Variants in TFEC observed in about 807,000 individuals in gnomAD.
TFEC encodes the protein class E basic helix-loop-helix protein 34.
TFEC carries 31 observed loss-of-function variants against 41.6 expected under a neutral mutation model. That is an observed-to-expected ratio of 0.74 (90% CI 0.56 to 1.01). The LOEUF (loss-of-function observed/expected upper bound fraction) is 1.01, where lower values mean the gene tolerates loss of function less well. Among genes scored for constraint, TFEC ranks in the 50% least tolerant of loss-of-function variants. TFEC has a pLI of 0.00. For synonymous variants in TFEC, 143 were observed against 140.6 expected (o/e 1.02, Z -0.12); for missense variants, 402 against 404.1 (o/e 0.99, Z 0.04).
At chr7:116,144,632 G>A (rs187525157) in intron 1 of TFEC, among the ~76,000 whole-genome samples, 2 of 152,260 alleles carry the variant, frequency 1.3e-5, no homozygotes, top group African/African-American at 2.4e-5. Flanking sequence ...TAACGGGCAT[G>A]AGCCACCATG....
intron 3 of TFEC, among the ~76,000 whole-genome samples, chr7:116,103,017 C>T (rs759589152): frequency 3.3e-5 from 5 of 152,176 alleles, no homozygotes; most frequent in African/African-American, 4.8e-5. Flanking sequence ...TCTGGAGCTG[C>T]ATCTATCAAT....
At chr7:115,947,105 G>A (rs970267604) in intron 6 of TFEC, among the ~76,000 whole-genome samples, 34 of 123,414 alleles carry the variant, frequency 2.8e-4, no homozygotes, top group African/African-American at 9.2e-4. Flanking sequence ...AGAGTGTGAT[G>A]TTCCCCTTCC....
At chr7:116,090,860 C>G (rs1201535814) in intron 3 of TFEC, among the ~76,000 whole-genome samples, 1 of 151,554 alleles carries the variant, frequency 6.6e-6, no homozygotes, top group Admixed American at 6.6e-5. Flanking sequence ...AACAAACTAA[C>G]ACAGGAACAG....
At chr7:116,119,500 C>T (rs1798063542) in intron 1 of TFEC, among the ~76,000 whole-genome samples, 1 of 150,662 alleles carries the variant, frequency 6.6e-6, no homozygotes, top group South Asian at 2.1e-4. Context: ...ATGAATTAAC[C>T]AAATCATACG....
chr7:116,050,482 T>C (rs939666424), intron 3 of TFEC, among the ~76,000 whole-genome samples: 16 of 151,954 alleles, frequency 1.1e-4, no homozygotes, highest in African/African-American at 3.9e-4. Context: ...AAAAAGTGGG[T>C]GAAGGATATG....
intron 3 of TFEC, among the ~76,000 whole-genome samples, chr7:115,963,089 A>C (rs1226331387): frequency 2.6e-5 from 4 of 151,606 alleles, no homozygotes. Flanking sequence ...CTTCTGAGTG[A>C]GAACATGCAG....
chr7:116,101,412 G>C (rs931336563), intron 3 of TFEC, among the ~76,000 whole-genome samples: 1 of 152,082 alleles, frequency 6.6e-6, no homozygotes, highest in African/African-American at 2.4e-5. Context: ...AAAGAGAAGG[G>C]AATTGCAATA....
chr7:116,023,258 G>T (rs1301179252), intron 1 of TFEC, among the ~76,000 whole-genome samples: 1 of 152,030 alleles, frequency 6.6e-6, no homozygotes, highest in Non-Finnish European at 1.5e-5. Flanking sequence ...TGCCACTTTG[G>T]ATTTCAAAAC....
At chr7:115,948,227 G>T (rs899975986) in intron 6 of TFEC, among the ~76,000 whole-genome samples, 2 of 151,590 alleles carry the variant, frequency 1.3e-5, no homozygotes, top group African/African-American at 4.8e-5. Flanking sequence ...ACCAAAAAGA[G>T]TCCAGGACCA....
chr7:115,956,412 T>C (rs567625730), intron 4 of TFEC, among the ~76,000 whole-genome samples: 23 of 152,044 alleles, frequency 1.5e-4, no homozygotes, highest in South Asian at 4.1e-4. Context: ...TGTATGTATA[T>C]ATGTGTGTAT....
intron 1 of TFEC, among the ~76,000 whole-genome samples, chr7:115,989,926 CT>C (rs1168226442): frequency 6.6e-6 from 1 of 152,204 alleles, no homozygotes; most frequent in Non-Finnish European, 1.5e-5. Flanking sequence ...CAGACTGCCT[CT>C]TCAAGTGGGT....
At chr7:115,992,197 A>T (rs1392445716) in intron 1 of TFEC, among the ~76,000 whole-genome samples, 1 of 152,238 alleles carries the variant, frequency 6.6e-6, no homozygotes, top group Non-Finnish European at 1.5e-5. Flanking sequence ...TCTGGGACAC[A>T]TTTAAAGCAG....
Position 116,007,846 on chromosome 7 carries a change from A to G in TFEC, c.-73+22787T>C, listed in dbSNP as rs530564293. On this transcript the variant is annotated intron_variant, in intron 1 of 7. Coordinates refer to ENST00000265440, the MANE Select transcript of TFEC (RefSeq NM_012252.4). Reference sequence around the variant, plus strand: ...TAAATGTAATTCATATTTATGTAGGATTATATTCATTTTAGCTTCTTTTAA... The same window carrying G: ...TAAATGTAATTCATATTTATGTAGGGTTATATTCATTTTAGCTTCTTTTAA... Among the ~76,000 whole-genome samples, 3 of 152,326 alleles carry G rather than the reference A, an allele frequency of 2.0e-5. No individual in the cohort carries two copies. The South Asian group carries it at 6.2e-4, about 32-fold the overall frequency.
At chr7:115,944,826 G>A (rs903828043) in intron 6 of TFEC, among the ~76,000 whole-genome samples, 2 of 151,022 alleles carry the variant, frequency 1.3e-5, no homozygotes, top group Non-Finnish European at 3.0e-5. Flanking sequence ...ATAGTGACTT[G>A]GCACACTCTT....
At chr7:116,031,500 C>T (rs929698083), upstream of TFEC, among the ~76,000 whole-genome samples, 1 of 152,104 alleles carries the variant, frequency 6.6e-6, no homozygotes, top group Non-Finnish European at 1.5e-5. Flanking sequence ...AAAGGTACAA[C>T]TTTGTTCCCA....
At chr7:115,966,963 G>A (rs548649523) in intron 3 of TFEC, among the ~76,000 whole-genome samples, 1 of 151,522 alleles carries the variant, frequency 6.6e-6, no homozygotes, top group Non-Finnish European at 1.5e-5. Context: ...TAAATTAATT[G>A]TTTTATCTTT....
intron 3 of TFEC, among the ~76,000 whole-genome samples, chr7:116,067,746 T>C (rs1478548068): frequency 3.3e-5 from 5 of 152,036 alleles, no homozygotes; most frequent in African/African-American, 1.2e-4. Flanking sequence ...TTAGCCATAA[T>C]GGACTATGTC....
At chr7:116,155,559 T>C (rs950585932) in intron 1 of TFEC, among the ~76,000 whole-genome samples, 54 of 152,196 alleles carry the variant, frequency 3.5e-4, no homozygotes, top group Non-Finnish European at 6.0e-4. Flanking sequence ...CTGATGTCTT[T>C]GCAGTGCCAG....
chr7:115,966,172 C>A (rs2130531839), intron 3 of TFEC, among the ~76,000 whole-genome samples: 1 of 151,760 alleles, frequency 6.6e-6, no homozygotes, highest in Admixed American at 6.6e-5. Context: ...TTTTCAAAAT[C>A]TTGCTGCATG....
Sources: allele counts gnomAD v4.1 joint callset (sites outside exome capture counted in the v4.1 genomes callset), GRCh38; gene constraint gnomAD v4.1.1; transcripts MANE v1.5; gene names NCBI Gene and HGNC (gene_info 2026-07-23, HGNC 2026-07-21).